Variants in SPATA7 observed in about 807,000 individuals in gnomAD.
SPATA7 encodes the protein spermatogenesis associated 7, also known as spermatogenesis-associated protein 7.
In SPATA7, 43 loss-of-function variants were observed where a neutral mutation model predicts 51.8. That is an observed-to-expected ratio of 0.83 (90% confidence interval 0.65 to 1.07). The LOEUF is 1.07. SPATA7 is among the 50% of genes least tolerant of loss of function. The pLI is 0.00. For missense variants in SPATA7, 683 were observed against 701.3 expected (o/e 0.97, Z 0.30); for synonymous variants, 230 against 252.8 (o/e 0.91, Z 0.86).
At chr14:88,453,092 G>C (rs2077263127) in intron 3 of SPATA7, among the ~76,000 whole-genome samples, 1 of 152,150 alleles carries the variant, frequency 6.6e-6, no homozygotes, top group East Asian at 1.9e-4. Context: ...TACTACATGA[G>C]TTTTATAATA....
At chr14:88,411,357 A>C (rs61105677) in intron 4 of SPATA7, among the ~76,000 whole-genome samples, 5,371 of 152,016 alleles carry the variant, frequency 0.035, 313 homozygotes, top group African/African-American at 0.12. Flanking sequence ...CTGGCTTCAG[A>C]CCCCTTTCCA....
chr14:88,416,567 T>C (rs1016789232), intron 4 of SPATA7, 144 bp from the exon 5 acceptor site: 2 of 752,474 alleles, frequency 2.7e-6, no homozygotes, highest in Non-Finnish European at 4.3e-6. Context: ...TGTTAGTAAC[T>C]CTTTATATAG....
intron 4 of SPATA7, among the ~76,000 whole-genome samples, chr14:88,468,478 A>G (rs977737380): frequency 5.3e-5 from 8 of 152,312 alleles, no homozygotes; most frequent in South Asian, 4.1e-4. Context: ...TATTTCTTCA[A>G]CATTCCCCAG....
intron 10 of SPATA7, among the ~76,000 whole-genome samples, chr14:88,433,741 G>T (rs1188170559): frequency 6.6e-6 from 1 of 152,110 alleles, no homozygotes; most frequent in Admixed American, 6.5e-5. Flanking sequence ...AAGATTCATT[G>T]AGCACTGAGC....
intron 4 of SPATA7, among the ~76,000 whole-genome samples, chr14:88,462,263 C>T (rs1013111889): frequency 2.0e-5 from 3 of 152,112 alleles, no homozygotes; most frequent in African/African-American, 7.2e-5. Context: ...AAAATGAATA[C>T]GTTTATATTC....
downstream of SPATA7, among the ~76,000 whole-genome samples, chr14:88,456,875 T>G (rs1261770319): frequency 2.0e-5 from 3 of 152,220 alleles, no homozygotes; most frequent in African/African-American, 7.2e-5. Flanking sequence ...ATTTAAGTCT[T>G]TAGTCCATCT....
At chr14:88,461,016 G>T (rs910939159) in intron 4 of SPATA7, among the ~76,000 whole-genome samples, 1 of 152,216 alleles carries the variant, frequency 6.6e-6, no homozygotes, top group Non-Finnish European at 1.5e-5. Context: ...AGAGGCTGCA[G>T]AACAGCACAT....
chr14:88,415,113 T>C (rs904877406), intron 4 of SPATA7: 1 of 179,326 alleles, frequency 5.6e-6, no homozygotes, highest in Non-Finnish European at 1.2e-5. Flanking sequence ...AATTTCTTTG[T>C]TAGTTTTCTG....
chr14:88,396,445 C>T (rs558218425), intron 4 of SPATA7, among the ~76,000 whole-genome samples: 1 of 152,164 alleles, frequency 6.6e-6, no homozygotes, highest in Non-Finnish European at 1.5e-5. Context: ...TTTTCTATCA[C>T]TATGAATTTG....
At chr14:88,422,402 T>C (rs1248292273) in intron 5 of SPATA7, among the ~76,000 whole-genome samples, 1 of 152,148 alleles carries the variant, frequency 6.6e-6, no homozygotes, top group African/African-American at 2.4e-5. Flanking sequence ...TTCCTCAATA[T>C]TTGAATCACA....
intron 3 of SPATA7, among the ~76,000 whole-genome samples, chr14:88,449,470 G>T (rs947764440): frequency 2.6e-5 from 4 of 152,136 alleles, no homozygotes; most frequent in African/African-American, 9.7e-5. Context: ...TTTAAAATGT[G>T]TTGAGACTTG....
chr14:88,433,360 T>TA (rs1167875029), intron 10 of SPATA7, 148 bp downstream of exon 10: 1 of 632,998 alleles, frequency 1.6e-6, no homozygotes, highest in Non-Finnish European at 2.7e-6. Flanking sequence ...TTATTATAAT[T>TA]GATAGCAAGT....
At chr14:88,388,618 G>A (rs760001273) in intron 1 of SPATA7, among the ~76,000 whole-genome samples, 2 of 152,088 alleles carry the variant, frequency 1.3e-5, no homozygotes, top group African/African-American at 2.4e-5. Context: ...GGGGCTGGGC[G>A]TGTCAGCTCA....
intron 4 of SPATA7, among the ~76,000 whole-genome samples, chr14:88,406,196 A>G (rs904862378): frequency 6.6e-6 from 1 of 152,154 alleles, no homozygotes; most frequent in African/African-American, 2.4e-5. Context: ...TACTGACTTG[A>G]TCAGTTCCTA....
chr14:88,423,609 A>G (rs183226942), intron 5 of SPATA7, among the ~76,000 whole-genome samples: 2 of 151,962 alleles, frequency 1.3e-5, no homozygotes, highest in South Asian at 2.1e-4. Flanking sequence ...ATCAAGAGCT[A>G]TATTTGTTTT....
chr14:88,392,613 G>A (rs1056268463), intron 2 of SPATA7, among the ~76,000 whole-genome samples: 2 of 152,108 alleles, frequency 1.3e-5, no homozygotes, highest in African/African-American at 4.8e-5. Context: ...CAGTAACATA[G>A]TATATTTCTG....
intron 3 of SPATA7, among the ~76,000 whole-genome samples, chr14:88,447,877 T>G (rs2077225183): frequency 6.6e-6 from 1 of 152,176 alleles, no homozygotes; most frequent in Non-Finnish European, 1.5e-5. Flanking sequence ...TGGGTTTCCC[T>G]TTGAGGGTAA....
chr14:88,420,167 G>A (rs2076601961), intron 5 of SPATA7, among the ~76,000 whole-genome samples: 1 of 152,146 alleles, frequency 6.6e-6, no homozygotes, highest in Admixed American at 6.5e-5. Context: ...GTGGGAAAGG[G>A]ATTCTCTCTA....
At chr14:88,455,278 C>CTTT (rs1418013879) in exon 4 of SPATA7, 4 of 324,810 alleles carry the variant, frequency 1.2e-5, no homozygotes, top group Non-Finnish European at 1.9e-5. Context: ...CATTCTAACT[C>CTTT]TTAAAGTGAT....
Sources: allele counts gnomAD v4.1 joint callset (sites outside exome capture counted in the v4.1 genomes callset), GRCh38; gene constraint gnomAD v4.1.1; transcripts MANE v1.5; gene names NCBI Gene and HGNC (gene_info 2026-07-23, HGNC 2026-07-21).